The following INPP4B variants were observed in gnomAD, a reference collection of about 807,000 sequenced individuals.
INPP4B encodes inositol polyphosphate 4-phosphatase type II.
A neutral mutation model predicts 122.5 loss-of-function variants in INPP4B; 55 were observed. The observed-to-expected ratio is 0.45, with a 90% CI of 0.36 to 0.56. INPP4B has a LOEUF of 0.56. Among genes scored for constraint, INPP4B ranks in the 20% least tolerant of loss-of-function variants. The pLI is 0.00. For synonymous variants in INPP4B, 403 were observed against 388.7 expected (o/e 1.04, Z -0.43); for missense variants, 1,000 against 1,097.7 (o/e 0.91, Z 1.26).
At chr4:142,706,163 C>T (rs1408892646) in intron 2 of INPP4B, among the ~76,000 whole-genome samples, 1 of 152,218 alleles carries the variant, frequency 6.6e-6, no homozygotes, top group Non-Finnish European at 1.5e-5. Context: ...CACATTTGAA[C>T]ATCTTTCCCA....
chr4:142,509,354 T>C (rs1453344948), intron 2 of INPP4B, among the ~76,000 whole-genome samples: 2 of 152,190 alleles, frequency 1.3e-5, no homozygotes, highest in African/African-American at 4.8e-5. Context: ...CATAGGTATT[T>C]CTCCTAATAC....
At chr4:142,240,497 C>T (rs1680402911) in intron 11 of INPP4B, among the ~76,000 whole-genome samples, 1 of 152,118 alleles carries the variant, frequency 6.6e-6, no homozygotes. Flanking sequence ...AGGAATGCTG[C>T]TATTTATAAA....
intron 1 of INPP4B, among the ~76,000 whole-genome samples, chr4:142,773,617 T>G (rs1328645978): frequency 2.6e-5 from 4 of 152,176 alleles, no homozygotes; most frequent in African/African-American, 9.6e-5. Flanking sequence ...TGCAATACAC[T>G]TCTTAAAGGG....
At position 142,199,078 on chromosome 4, in the gene INPP4B, T is replaced by A. The variant is rs530751005; in HGVS notation, c.1073-5883A>T. Among the ~76,000 whole-genome samples the A allele has an allele frequency of 9.2e-5, 14 of 152,192 alleles. No homozygotes were observed. In the South Asian group the frequency reaches 2.5e-3, roughly 27 times the overall value. ...TAGTTTTCGTATCACATAAAATAAT[T>A]TTGATAGTTAATTTACTTTCTTCTC... On this transcript the variant is annotated intron_variant, in intron 14 of 25. Transcript: ENST00000262992.
intron 2 of INPP4B, among the ~76,000 whole-genome samples, chr4:142,529,123 T>C (rs926212917): frequency 3.9e-5 from 6 of 152,064 alleles, no homozygotes; most frequent in Non-Finnish European, 8.8e-5. Context: ...GCCAATGTTT[T>C]AAAAATGACC....
At chr4:142,671,233 G>A (rs1272589486) in intron 2 of INPP4B, among the ~76,000 whole-genome samples, 8 of 151,954 alleles carry the variant, frequency 5.3e-5, no homozygotes, top group East Asian at 1.9e-4. Context: ...AAGGCCTGGC[G>A]ATCCACCAAT....
At chr4:142,649,688 CA>C (rs1484286429) in intron 2 of INPP4B, among the ~76,000 whole-genome samples, 1 of 152,108 alleles carries the variant, frequency 6.6e-6, no homozygotes, top group Non-Finnish European at 1.5e-5. Flanking sequence ...AAGAAATGAA[CA>C]AAACCTCCAA....
chr4:142,636,384 G>A (rs2150451573), intron 2 of INPP4B, among the ~76,000 whole-genome samples: 1 of 151,950 alleles, frequency 6.6e-6, no homozygotes, highest in East Asian at 1.9e-4. Flanking sequence ...CCTATATGAA[G>A]AAATAAAAAA....
chr4:142,174,106 A>G (rs897427816), intron 15 of INPP4B, among the ~76,000 whole-genome samples: 3 of 152,130 alleles, frequency 2.0e-5, no homozygotes, highest in Non-Finnish European at 4.4e-5. Flanking sequence ...ATATGTAATC[A>G]TGTATGTCAA....
chr4:142,139,143 A>G (rs1222341386), intron 18 of INPP4B, among the ~76,000 whole-genome samples: 1 of 152,216 alleles, frequency 6.6e-6, no homozygotes, highest in Non-Finnish European at 1.5e-5. Context: ...TCCTGGATAC[A>G]GTGACTGGAA....
intron 7 of INPP4B, among the ~76,000 whole-genome samples, chr4:142,391,312 C>T (rs1209564834): frequency 2.0e-5 from 3 of 152,176 alleles, no homozygotes; most frequent in Non-Finnish European, 4.4e-5. Context: ...AATCCCAGCA[C>T]TCTGGGAAGC....
At chr4:142,839,447 A>AC (rs1387491421) in intron 1 of INPP4B, among the ~76,000 whole-genome samples, 5 of 152,120 alleles carry the variant, frequency 3.3e-5, no homozygotes, top group African/African-American at 9.7e-5. Context: ...AACAACAACA[A>AC]AAAAAATGAC....
intron 25 of INPP4B, among the ~76,000 whole-genome samples, chr4:142,077,457 A>G (rs868476689): frequency 6.6e-6 from 1 of 151,986 alleles, no homozygotes; most frequent in African/African-American, 2.4e-5. Context: ...AAATTTCCCT[A>G]TACAATTATT....
intron 1 of INPP4B, among the ~76,000 whole-genome samples, chr4:142,823,098 G>A (rs1330593708): frequency 6.6e-6 from 1 of 152,102 alleles, no homozygotes; most frequent in Non-Finnish European, 1.5e-5. Flanking sequence ...TGACACAAAG[G>A]CCACTTTAGT....
intron 1 of INPP4B, among the ~76,000 whole-genome samples, chr4:142,826,346 T>C (rs181731521): frequency 2.0e-5 from 3 of 152,282 alleles, no homozygotes; most frequent in Admixed American, 6.5e-5. Flanking sequence ...CAAGAATCAA[T>C]AGCATTGGCT....
At chr4:142,355,178 C>T (rs1437593464) in intron 7 of INPP4B, among the ~76,000 whole-genome samples, 1 of 151,960 alleles carries the variant, frequency 6.6e-6, no homozygotes, top group Admixed American at 6.6e-5. Context: ...GTTCAGAAGC[C>T]ACATTATATC....
At chr4:142,139,725 G>A (rs550679620) in intron 18 of INPP4B, among the ~76,000 whole-genome samples, 1 of 152,144 alleles carries the variant, frequency 6.6e-6, no homozygotes, top group South Asian at 2.1e-4. Flanking sequence ...TGAAGGTTGG[G>A]GTGCACTTTT....
chr4:142,401,682 A>G (rs2149140917), intron 7 of INPP4B, among the ~76,000 whole-genome samples: 1 of 152,190 alleles, frequency 6.6e-6, no homozygotes, highest in East Asian at 1.9e-4. Context: ...TTTAATCCTT[A>G]CAACAATCCC....
At chr4:142,423,842 AT>A in intron 5 of INPP4B, 1 of 438,856 alleles carries the variant, frequency 2.3e-6, no homozygotes, top group Admixed American at 2.6e-5. Context: ...ACCTTTATGT[AT>A]TTTTTATGTA....
Sources: gnomAD v4.1 joint callset for allele counts (sites outside exome capture counted in the v4.1 genomes callset) on GRCh38, gnomAD v4.1.1 for gene constraint, MANE v1.5 for transcripts, NCBI Gene and HGNC (gene_info 2026-07-23, HGNC 2026-07-21) for gene names.